PPP2R5C: variants seen among roughly 807,000 people sequenced by gnomAD.
The protein encoded by PPP2R5C is serine/threonine-protein phosphatase 2A 56 kDa regulatory subunit gamma isoform.
In PPP2R5C, 7 loss-of-function variants were observed where a neutral mutation model predicts 68.9. The observed-to-expected ratio is 0.10, with a 90% CI of 0.06 to 0.19. The LOEUF is 0.19. Ranked by LOEUF, PPP2R5C falls within the 10% of genes least tolerant of loss-of-function variation. The pLI, the probability that PPP2R5C is intolerant of heterozygous loss-of-function variation, is 1.00. For missense variants in PPP2R5C, 348 were observed against 641.3 expected, an observed-to-expected ratio of 0.54 and a Z score of 4.94; for synonymous variants, 210 against 222.2, an observed-to-expected ratio of 0.95 and a Z score of 0.49.
At chr14:101,833,525 T>A (rs2040882621) in intron 1 of PPP2R5C, 1 of 152,214 alleles carries the variant, frequency 6.6e-6, no homozygotes, top group Admixed American at 6.5e-5. Context: ...AAACCATTGT[T>A]CTTAATTTTC....
intron 2 of PPP2R5C, among the ~76,000 whole-genome samples, chr14:101,784,928 G>A (rs1048515658): frequency 1.7e-4 from 26 of 152,122 alleles, no homozygotes; most frequent in Non-Finnish European, 2.9e-5. Context: ...TGAACTCCAC[G>A]GGCCCCCTTG....
In PPP2R5C at chr14:101,843,787, C is replaced by T. The variant is rs1449390474; in HGVS notation, c.95-12899C>T. 3 of 227,818 alleles carry T rather than the reference C, an allele frequency of 1.3e-5. No homozygotes were observed. In the Admixed American group the frequency reaches 1.3e-4, roughly 10 times the overall value. 14.1% of individuals were successfully genotyped at this position (227,818 alleles called of 1,614,324 possible). ...TTCTGTGGAACCTTGCTGCCACCTC[C>T]AGGGGGAGATCGCTTTCCAGATATT... On this transcript the variant is annotated intron_variant, in intron 1 of 13. Transcript: ENST00000334743.
At chr14:101,765,083 G>A (rs1430005719) in intron 2 of PPP2R5C, 21 of 678,442 alleles carry the variant, frequency 3.1e-5, no homozygotes, top group Middle Eastern at 2.4e-4. Flanking sequence ...TTTGCCAGCC[G>A]TGTGAGACCT....
At chr14:101,761,687 TGCCGCC>T (rs1172580916), upstream of PPP2R5C, 57 of 224,284 alleles carry the variant, frequency 2.5e-4, no homozygotes, top group East Asian at 8.2e-3. Flanking sequence ...ACGCCGCCGC[TGCCGCC>T]GCCGCCGCCG....
rs1421788386 is a variant in PPP2R5C at position 101,891,836 on chromosome 14, GT to G, written c.690-1161del. Among the ~76,000 whole-genome samples, 3 of 152,218 alleles carry G rather than the reference GT, an allele frequency of 2.0e-5. No individual in the cohort carries two copies. Among genetic ancestry groups the G allele is most frequent in the African/African-American group, 7.2e-5 (3 of 41,462 alleles). ...CTGCAGCTCAGTGGCAGTCACTCCCGTTTGCCTAATTACAAAACCAAGACAA... is the reference window on the plus strand; with the variant it reads ...CTGCAGCTCAGTGGCAGTCACTCCCGTTGCCTAATTACAAAACCAAGACAA... On this transcript the variant is annotated intron_variant, in intron 6 of 13. Coordinates refer to ENST00000334743, the Ensembl canonical transcript of PPP2R5C. This position sits in a 1 kb window ranked among gnomAD's most constrained non-coding sequence, Gnocchi z 4.9.
intron 1 of PPP2R5C, among the ~76,000 whole-genome samples, chr14:101,812,914 A>C (rs2039452734): frequency 6.6e-6 from 1 of 152,242 alleles, no homozygotes; most frequent in South Asian, 2.1e-4. Context: ...TTGCGATTAA[A>C]ATGGTGAATT....
chr14:101,912,554 G>GC, intron 12 of PPP2R5C, 81 bp downstream of exon 14: 1 of 1,356,298 alleles, frequency 7.4e-7, no homozygotes, highest in Non-Finnish European at 9.5e-7. Context: ...TCTTCACCAT[G>GC]GGGGGGGTCT....
intron 9 of PPP2R5C, among the ~76,000 whole-genome samples, chr14:101,904,663 C>T (rs2045922971): frequency 6.6e-6 from 1 of 152,170 alleles, no homozygotes; most frequent in Non-Finnish European, 1.5e-5. Context: ...GGCACAGGCT[C>T]ACCTGCCATT....
chr14:101,847,685 T>C (rs1287387341), intron 1 of PPP2R5C, among the ~76,000 whole-genome samples: 1 of 144,620 alleles, frequency 6.9e-6, no homozygotes, highest in Non-Finnish European at 1.5e-5. Flanking sequence ...TTTTTTTTCC[T>C]GAGACGGAGT....
At chr14:101,903,546 G>A (rs1257951425) in intron 9 of PPP2R5C, among the ~76,000 whole-genome samples, 8 of 152,184 alleles carry the variant, frequency 5.3e-5, no homozygotes, top group Non-Finnish European at 8.8e-5. Flanking sequence ...CCCCCAACTC[G>A]CCCTCGTCTG....
intron 1 of PPP2R5C, among the ~76,000 whole-genome samples, chr14:101,833,702 A>G (rs1282126292): frequency 1.3e-5 from 2 of 152,230 alleles, no homozygotes; most frequent in African/African-American, 2.4e-5. Flanking sequence ...TCACTGTTCC[A>G]AAACTGTTTT....
chr14:101,910,958 G>C (rs1004706280), intron 11 of PPP2R5C, among the ~76,000 whole-genome samples: 2 of 152,172 alleles, frequency 1.3e-5, no homozygotes, highest in African/African-American at 4.8e-5. Context: ...CAAAAAATTA[G>C]CCGGGCGTGG....
chr14:101,824,069 A>G (rs1490025459), intron 1 of PPP2R5C: 1 of 1,288,974 alleles, frequency 7.8e-7, no homozygotes, highest in East Asian at 5.5e-5. Flanking sequence ...GAAGGAACAG[A>G]CTCCAGGACT....
Position 101,877,512 on chromosome 14 carries a change from C to T in PPP2R5C, c.295-4649C>T, listed in dbSNP as rs957657100. ...AGCTTCTTTGGTGTTCACTGCATAA[C>T]GTTGATGTCTTCTCTGTTTCCTCAG... On this transcript the variant is annotated intron_variant, in intron 2 of 13. Coordinates refer to ENST00000334743, the Ensembl canonical transcript of PPP2R5C. This position sits in a 1 kb window ranked among gnomAD's most constrained non-coding sequence, Gnocchi z 4.2. 2.6e-5 allele frequency among the ~76,000 whole-genome samples: 4 copies of T among 152,092 alleles called. No individual in the cohort carries two copies. The highest frequency in any genetic ancestry group is 5.9e-5 in the Non-Finnish European group (4 of 68,022).
chr14:101,801,386 A>G (rs1467205742), intron 3 of PPP2R5C, among the ~76,000 whole-genome samples: 2 of 152,194 alleles, frequency 1.3e-5, no homozygotes, highest in African/African-American at 4.8e-5. Flanking sequence ...CATACCACCC[A>G]ATGATGACAC....
chr14:101,808,605 A>C (rs932966703), upstream of PPP2R5C, among the ~76,000 whole-genome samples: 1 of 152,232 alleles, frequency 6.6e-6, no homozygotes, highest in Non-Finnish European at 1.5e-5. Context: ...CTAAACCCTC[A>C]GCTGGAACTG....
At chr14:101,805,261 T>C (rs1428893202), upstream of PPP2R5C, among the ~76,000 whole-genome samples, 4 of 152,140 alleles carry the variant, frequency 2.6e-5, no homozygotes, top group African/African-American at 4.8e-5. Flanking sequence ...AGATGGGGTT[T>C]CGCCATGTTG....
intron 2 of PPP2R5C, among the ~76,000 whole-genome samples, chr14:101,857,726 G>A (rs1430598138): frequency 6.6e-6 from 1 of 152,092 alleles, no homozygotes; most frequent in Non-Finnish European, 1.5e-5. Context: ...TTGAATTGTT[G>A]ATATTTTATC....
intron 7 of PPP2R5C, among the ~76,000 whole-genome samples, chr14:101,894,023 T>C (rs1229488802): frequency 6.6e-6 from 1 of 152,262 alleles, no homozygotes; most frequent in Admixed American, 6.5e-5. Context: ...TGGTAGGGGC[T>C]AAATGACAAA....
Sources: allele counts gnomAD v4.1 joint callset (sites outside exome capture counted in the v4.1 genomes callset), GRCh38; gene constraint gnomAD v4.1.1; non-coding constraint Gnocchi (gnomAD v3.1); transcripts MANE v1.5; gene names NCBI Gene and HGNC (gene_info 2026-07-23, HGNC 2026-07-21).